Variants in PPM1G observed in about 807,000 individuals in gnomAD.
PPM1G encodes protein phosphatase, Mg2+/Mn2+ dependent 1G.
Under a neutral mutation model 59.4 loss-of-function variants are expected in PPM1G, and 12 were observed. The ratio of observed to expected loss-of-function variants is 0.20; its 90% confidence interval spans 0.13 to 0.33. The LOEUF (loss-of-function observed/expected upper bound fraction) is 0.33. PPM1G is among the 10% of genes least tolerant of loss of function. The probability of loss-of-function intolerance (pLI) is 1.00; values close to 1 mark genes in which losing one functional copy is unlikely to be tolerated. For synonymous variants in PPM1G, 245 were observed against 251.9 expected (o/e 0.97, Z 0.26); for missense variants, 392 against 681.3 (o/e 0.58, Z 4.73).
intron 1 of PPM1G, among the ~76,000 whole-genome samples, chr2:27,394,174 G>C (rs1683988394): frequency 6.6e-6 from 1 of 152,124 alleles, no homozygotes; most frequent in Non-Finnish European, 1.5e-5. Flanking sequence ...TGGGATTACA[G>C]GTGTGAGCCA....
Position 27,385,050 on chromosome 2 carries a change from T to C in PPM1G, c.448A>G (p.Thr150Ala). Reference protein sequence around the residue: ...EEAALLHEEATMTIEELLTRY... With the variant: ...EEAALLHEEAAMTIEELLTRY... ...GTCAGCAGCTCTTCAATAGTCATGG[T>C]AGCCTCTTCATGCAGCAGTGCAGCC... Residue 150 changes from threonine (T) to alanine (A), a missense_variant, in exon 5 of 10, where the codon ACC becomes GCC. By Grantham distance (58) the Thr-to-Ala change is moderately conservative. Around this residue, in one of 6 missense-constraint regions of PPM1G, gnomAD observed 188 missense variants for 248.8 expected, o/e 0.76. Transcript: ENST00000344034. The surrounding 1 kb of genome is among the most constrained non-coding windows in gnomAD (Gnocchi z 4.1). 6.2e-7 allele frequency: 1 copy of C among 1,612,726 alleles called. No individual in the cohort carries two copies. Among genetic ancestry groups the C allele is most frequent in the Non-Finnish European group, 8.5e-7 (1 of 1,179,690 alleles).
Position 27,382,581 on chromosome 2 carries a change from T to C in PPM1G, c.1226A>G (p.Lys409Arg). The C allele has an allele frequency of 6.2e-7, 1 of 1,614,228 alleles. No individual in the cohort carries two copies. Among genetic ancestry groups the C allele is most frequent in the Non-Finnish European group, 8.5e-7 (1 of 1,180,032 alleles). ...AIGDHFYKRNKNLPPEEQMIS... is the reference protein window; with the variant it reads ...AIGDHFYKRNRNLPPEEQMIS... Reference sequence around the variant, plus strand: ...CATCTGTTCCTCAGGTGGCAGGTTCTTGTTTCTCTTATAGAAGTGGTCCCC... The same window carrying C: ...CATCTGTTCCTCAGGTGGCAGGTTCCTGTTTCTCTTATAGAAGTGGTCCCC... Residue 409 changes from lysine (K) to arginine (R), a missense_variant, in exon 8 of 10, where the codon AAG becomes AGG. By Grantham distance (26) the Lys-to-Arg change is conservative. Coordinates refer to ENST00000344034, the MANE Select transcript of PPM1G (RefSeq NM_177983.3). This position sits in a 1 kb window ranked among gnomAD's most constrained non-coding sequence, Gnocchi z 4.2.
chr2:27,400,256 G>C (rs1392382548), intron 1 of PPM1G, among the ~76,000 whole-genome samples: 1 of 151,990 alleles, frequency 6.6e-6, no homozygotes, highest in Non-Finnish European at 1.5e-5. Flanking sequence ...AAAAAATTTA[G>C]CCGGGTGTGA....
chr2:27,400,273 G>C (rs1327227379), intron 1 of PPM1G, among the ~76,000 whole-genome samples: 1 of 152,040 alleles, frequency 6.6e-6, no homozygotes, highest in African/African-American at 2.4e-5. Context: ...GTGATGGTGG[G>C]TACCTGTAGT....
Position 27,385,515 on chromosome 2 carries a change from A to G in PPM1G, c.409+232T>C, listed in dbSNP as rs1683742084. ...CAGGAACCAGGAAGACCCCATCACA[A>G]TGACAAAAGATAATGTATATACAAT... is the stretch of plus-strand genomic sequence containing the variant. On this transcript the variant is annotated intron_variant, in intron 4 of 9. Coordinates refer to ENST00000344034, the MANE Select transcript of PPM1G (RefSeq NM_177983.3). The surrounding 1 kb of genome is among the most constrained non-coding windows in gnomAD (Gnocchi z 4.1). 1.9e-6 allele frequency: 1 copy of G among 518,704 alleles called. No homozygotes were observed. Among genetic ancestry groups the G allele is most frequent in the African/African-American group, 1.9e-5 (1 of 51,488 alleles). 32.1% of individuals were successfully genotyped at this position (518,704 alleles called of 1,614,324 possible).
chr2:27,381,784 G>A lies in PPM1G; in HGVS notation c.1456C>T (p.Pro486Ser). ...VEELLDQCLA[P>S]DTSGDGTGCD... ...CCTGTACCATCCCCAGAAGTGTCTG[G>A]TGCCAGGCACTGATCCAGCAGCTAA... The change falls in exon 10 of 10, where the codon CCA becomes TCA. Residue 486 changes from proline to serine, a missense_variant. Physicochemically the swap from Pro to Ser is moderately conservative, Grantham distance 74 (BLOSUM62 -1). Coordinates refer to ENST00000344034, the MANE Select transcript of PPM1G (RefSeq NM_177983.3). 6.2e-7 allele frequency: 1 copy of A among 1,612,930 alleles called. No homozygotes were observed. The highest frequency in any genetic ancestry group is 8.5e-7 in the Non-Finnish European group (1 of 1,179,972).
At chr2:27,394,646 A>G (rs1444786966) in intron 1 of PPM1G, among the ~76,000 whole-genome samples, 1 of 150,558 alleles carries the variant, frequency 6.6e-6, no homozygotes, top group Non-Finnish European at 1.5e-5. Flanking sequence ...CAGAAGAATC[A>G]CTTGAACCCG....
At chr2:27,389,729 G>T (rs1332395116) in intron 1 of PPM1G, among the ~76,000 whole-genome samples, 1 of 152,118 alleles carries the variant, frequency 6.6e-6, no homozygotes, top group Non-Finnish European at 1.5e-5. Context: ...CTCTGGGAAG[G>T]TAGGCAGGAG....
intron 1 of PPM1G, among the ~76,000 whole-genome samples, chr2:27,408,433 C>T (rs114377488): frequency 0.011 from 1,645 of 152,248 alleles, 31 homozygotes; most frequent in African/African-American, 0.038. Flanking sequence ...TGTAGTTTCA[C>T]ATCAAGTTTT....
intron 1 of PPM1G, among the ~76,000 whole-genome samples, chr2:27,403,501 A>T (rs1320211402): frequency 6.6e-6 from 1 of 152,216 alleles, no homozygotes; most frequent in African/African-American, 2.4e-5. Flanking sequence ...ATGTGATATA[A>T]TTCTATACTA....
At chr2:27,395,776 G>A (rs1684037712) in intron 1 of PPM1G, among the ~76,000 whole-genome samples, 1 of 150,252 alleles carries the variant, frequency 6.7e-6, no homozygotes. Context: ...CCCAGAGGTT[G>A]AGGCTGCAGT....
rs1339643227 is a variant in PPM1G at position 27,393,310 on chromosome 2, C to A, written c.121-6152G>T. 16 of 1,597,934 alleles carry A rather than the reference C, an allele frequency of 1.0e-5. 1 individual carries two copies. Among genetic ancestry groups the A allele is most frequent in the Middle Eastern group, 3.4e-4 (2 of 5,834 alleles). On this transcript the variant is annotated intron_variant, in intron 1 of 9. Coordinates refer to ENST00000344034, the MANE Select transcript of PPM1G (RefSeq NM_177983.3). ...TCCAGGTTGATCTGGCGGTTGATGGCGGCCTCTGAGTCTTGGTGGTAGTTC... is the reference window on the plus strand; with the variant it reads ...TCCAGGTTGATCTGGCGGTTGATGGAGGCCTCTGAGTCTTGGTGGTAGTTC...
intron 1 of PPM1G, among the ~76,000 whole-genome samples, chr2:27,409,096 C>T (rs1663450806): frequency 6.6e-6 from 1 of 152,178 alleles, no homozygotes; most frequent in Non-Finnish European, 1.5e-5. Flanking sequence ...CGAGCCCTCG[C>T]CGCCACTGGC....
chr2:27,391,342 G>A lies in PPM1G; in HGVS notation c.121-4184C>T, dbSNP rs190866568. On this transcript the variant is annotated intron_variant, in intron 1 of 9. Transcript: ENST00000344034. ...TGCTTTCCTCTGCAGCCTCACCAAC[G>A]TTTCTCATTTTTTGACATTTTAACA... 5.3e-5 allele frequency among the ~76,000 whole-genome samples: 8 copies of A among 152,064 alleles called. No individual in the cohort carries two copies. In the East Asian group the frequency reaches 9.6e-4, roughly 18 times the overall value.
Position 27,386,258 on chromosome 2 carries a change from C to T in PPM1G, c.212G>A (p.Cys71Tyr). Reference sequence around the variant, plus strand: ...GATGATATCAGGAAGATATTTGGCACAGTACAAGGCAACTTCCTCCCCTAG... The same window carrying T: ...GATGATATCAGGAAGATATTTGGCATAGTACAAGGCAACTTCCTCCCCTAG... ...GHGGEEVALY[C>Y]AKYLPDIIKD... The change falls in exon 3 of 10, where the codon TGT becomes TAT. Residue 71 changes from cysteine (C) to tyrosine (Y), a missense_variant. Transcript: ENST00000344034. 1 of 1,613,462 alleles carries T rather than the reference C, an allele frequency of 6.2e-7. No individual in the cohort carries two copies. The highest frequency in any genetic ancestry group is 8.5e-7 in the Non-Finnish European group (1 of 1,179,486).
At chr2:27,392,897 T>TG in intron 1 of PPM1G, 1 of 1,430,984 alleles carries the variant, frequency 7.0e-7, no homozygotes, top group Non-Finnish European at 9.7e-7. Context: ...CCCAATTCTT[T>TG]GATGGCCTTC....
intron 1 of PPM1G, among the ~76,000 whole-genome samples, chr2:27,387,784 CTTTATTTA>C (rs1009238639): frequency 6.6e-6 from 1 of 151,890 alleles, no homozygotes; most frequent in Admixed American, 6.6e-5. Context: ...CTGTACACAG[CTTTATTTA>C]TTTATTTATT....
intron 1 of PPM1G, among the ~76,000 whole-genome samples, chr2:27,397,394 T>G (rs968302567): frequency 6.6e-6 from 1 of 152,060 alleles, no homozygotes; most frequent in Non-Finnish European, 1.5e-5. Context: ...CACAAGAAAC[T>G]ACAGACCAAT....
In PPM1G at chr2:27,384,625, AG is replaced by A. The variant is rs755766398; in HGVS notation, c.825+47del. On this transcript the variant is annotated intron_variant, in intron 5 of 9. Transcript: ENST00000344034. The surrounding 1 kb of genome is among the most constrained non-coding windows in gnomAD (Gnocchi z 4.8). ...TGAAAACTACAGACGGCAACCAAACAGGACCTCTCTGCAACTTCAGCATCTG... is the reference window on the plus strand; with the variant it reads ...TGAAAACTACAGACGGCAACCAAACAGACCTCTCTGCAACTTCAGCATCTG... 55 of 1,548,972 alleles carry A rather than the reference AG, an allele frequency of 3.6e-5. No homozygotes were observed. The Middle Eastern group carries it at 5.2e-4, about 15-fold the overall frequency.
Sources: allele counts gnomAD v4.1 joint callset (sites outside exome capture counted in the v4.1 genomes callset), GRCh38; gene constraint gnomAD v4.1.1; regional missense constraint gnomAD v4.1.1; non-coding constraint Gnocchi (gnomAD v3.1); transcripts MANE v1.5; gene names NCBI Gene and HGNC (gene_info 2026-07-23, HGNC 2026-07-21).